Variants in TP73 observed in about 807,000 individuals in gnomAD.
TP73 encodes the protein tumor protein p73, also known as p53-like transcription factor.
A neutral mutation model predicts 62.5 loss-of-function variants in TP73; 25 were observed. The observed-to-expected ratio is 0.40, with a 90% CI of 0.29 to 0.56. The LOEUF (loss-of-function observed/expected upper bound fraction) is 0.56. Ranked by LOEUF, TP73 falls within the 20% of genes least tolerant of loss-of-function variation. The pLI is 0.46. For synonymous variants in TP73, 423 were observed against 377.5 expected (o/e 1.12, Z -1.40); for missense variants, 754 against 913.3 (o/e 0.83, Z 2.25).
chr1:3,728,240 C>A, intron 9 of TP73, 23 bp downstream of exon 9: 1 of 1,606,062 alleles, frequency 6.2e-7, no homozygotes, highest in Non-Finnish European at 8.5e-7. Context: ...TCCTGCACGG[C>A]AGCCGGGAGA....
intron 4 of TP73, among the ~76,000 whole-genome samples, chr1:3,718,128 GCCC>G (rs1474708773): frequency 6.6e-6 from 1 of 152,196 alleles, no homozygotes. Context: ...TCCAGTCCGA[GCCC>G]CCACTTCCCG....
chr1:3,726,362 G>A (rs1296852084), intron 6 of TP73, among the ~76,000 whole-genome samples: 4 of 142,186 alleles, frequency 2.8e-5, no homozygotes, highest in Admixed American at 7.0e-5. Flanking sequence ...ATGGATGGGT[G>A]GGTGGATAGA....
Position 3,727,131 on chromosome 1 carries a change from C to G in TP73, c.749C>G (p.Thr250Ser), listed in dbSNP as rs746424182. 1.2e-6 allele frequency: 2 copies of G among 1,611,844 alleles called. No homozygotes were observed. Among genetic ancestry groups the G allele is most frequent in the East Asian group, 4.5e-5 (2 of 44,880 alleles). The change falls in exon 7 of 14, where the codon ACC (threonine) becomes AGC (serine). Residue 250 changes from threonine to serine, a missense_variant. Thr to Ser is a moderately conservative substitution (Grantham distance 58, BLOSUM62 1). Around this residue, in one of 3 missense-constraint regions of TP73, gnomAD observed 61 missense variants for 133.2 expected, o/e 0.46. Transcript: ENST00000378295. ...CATGTGCAGGTGGGGACGGAATTCA[C>G]CACCATCCTGTACAACTTCATGTGT... ...YEPPQVGTEF[T>S]TILYNFMCNS...
In TP73 at chr1:3,733,230, A is replaced by C. The variant is rs9659687; in HGVS notation, c.*151A>C. On this transcript the variant is annotated 3_prime_UTR_variant, in exon 14 of 14. Transcript: ENST00000378295. ...TCCGGCCCATCCCCAGGCACCTCACAGGCCCCAGGAAAGGCCCAGCCACCG... is the reference window on the plus strand; with the variant it reads ...TCCGGCCCATCCCCAGGCACCTCACCGGCCCCAGGAAAGGCCCAGCCACCG... 55,779 of 963,476 alleles carry C rather than the reference A, an allele frequency of 0.058. 3,386 individuals are homozygous for C. The highest frequency in any genetic ancestry group is 0.25 in the African/African-American group (14,902 of 60,376). The allele number at this position is 963,476 out of a possible 1,614,324, so 59.7% of individuals were successfully genotyped here. A position where few individuals can be genotyped will look rare whatever the true frequency, so the allele number is the denominator to read the frequency against.
chr1:3,665,247 C>T (rs1050653839), intron 1 of TP73, among the ~76,000 whole-genome samples: 1 of 152,130 alleles, frequency 6.6e-6, no homozygotes, highest in African/African-American at 2.4e-5. Flanking sequence ...GGCTCCTTGA[C>T]TAATTATTTG....
intron 1 of TP73, among the ~76,000 whole-genome samples, chr1:3,673,458 G>C (rs148074394): frequency 3.3e-5 from 5 of 152,226 alleles, no homozygotes; most frequent in African/African-American, 1.2e-4. Flanking sequence ...GAGTGCTTTC[G>C]CTTTTGATAT....
chr1:3,682,946 G>A, intron 2 of TP73, 114 bp from the exon 3 acceptor site: 1 of 1,391,396 alleles, frequency 7.2e-7, no homozygotes, highest in African/African-American at 1.4e-5. Context: ...GGAAGGGCAG[G>A]AGACGTAGGC....
rs114165747 is a variant in TP73, at chr1:3,701,045, G to A, written c.187-6504G>A. Reference sequence around the variant, plus strand: ...ACTGTCTGGGCTTGGGGCTGTGGCCGACATGGCGGGCAGTGGCACACCGTG... The same window carrying A: ...ACTGTCTGGGCTTGGGGCTGTGGCCAACATGGCGGGCAGTGGCACACCGTG... On this transcript the variant is annotated intron_variant, in intron 3 of 13. Transcript: ENST00000378295. This position sits in a 1 kb window ranked among gnomAD's most constrained non-coding sequence, Gnocchi z 4.7. Among the ~76,000 whole-genome samples, 1,694 of 152,288 alleles carry A rather than the reference G, an allele frequency of 0.011. 33 individuals are homozygous for A. Among genetic ancestry groups the A allele is most frequent in the African/African-American group, 0.039 (1,613 of 41,568 alleles).
intron 3 of TP73, chr1:3,690,896 G>A (rs1202092248): frequency 2.5e-6 from 4 of 1,573,480 alleles, no homozygotes; most frequent in East Asian, 2.4e-5. Context: ...CAGACCCCCC[G>A]GCGCCTACCA....
intron 3 of TP73, among the ~76,000 whole-genome samples, chr1:3,691,989 ATGTG>A (rs201305176): frequency 0.021 from 3,238 of 152,192 alleles, 121 homozygotes; most frequent in African/African-American, 0.074. Context: ...GTGTGCGTGC[ATGTG>A]TGTGTCTAAG....
At chr1:3,659,443 A>T (rs1189172005) in intron 1 of TP73, 2 of 152,180 alleles carry the variant, frequency 1.3e-5, no homozygotes, top group Admixed American at 6.5e-5. Context: ...TCGTGATTCC[A>T]ATAAGAACGG....
rs755848902 is a variant in TP73, at chr1:3,683,069, C to G, written c.75C>G (p.Asp25Glu). Residue 25 changes from aspartate (D) to glutamate (E), a missense_variant, in exon 3 of 14, where the codon GAC becomes GAG. This residue lies in a region of TP73 where 235 missense variants were observed against 251.4 expected (regional missense o/e 0.93). Transcript: ENST00000378295. The stretch of plus-strand genomic sequence containing the variant: ...CCTCTCCCTGCCCCAGGGAACCAGA[C>G]AGCACCTACTTCGACCTTCCCCAGT... ...FEHLWSSLEPDSTYFDLPQSS... is the reference protein window; with the variant it reads ...FEHLWSSLEPESTYFDLPQSS... The G allele has an allele frequency of 1.2e-6, 2 of 1,608,036 alleles. No homozygotes were observed. Among genetic ancestry groups the G allele is most frequent in the Non-Finnish European group, 1.7e-6 (2 of 1,175,314 alleles).
chr1:3,692,210 T>C (rs1645860577), intron 3 of TP73, among the ~76,000 whole-genome samples: 1 of 152,130 alleles, frequency 6.6e-6, no homozygotes, highest in Admixed American at 6.5e-5. Context: ...TGTGTTGCGA[T>C]GGATACATGG....
At chr1:3,680,005 C>A (rs1645483240) in intron 1 of TP73, among the ~76,000 whole-genome samples, 1 of 151,866 alleles carries the variant, frequency 6.6e-6, no homozygotes, top group Non-Finnish European at 1.5e-5. Flanking sequence ...CTTTCTCTTT[C>A]TTTGTCCTTG....
At chr1:3,715,522 C>T (rs1007548547) in intron 4 of TP73, among the ~76,000 whole-genome samples, 2 of 152,184 alleles carry the variant, frequency 1.3e-5, no homozygotes, top group Non-Finnish European at 2.9e-5. Context: ...AGGTTTGGGT[C>T]ACTAAACGGA....
chr1:3,718,628 T>C (rs2124460807), intron 4 of TP73, among the ~76,000 whole-genome samples: 1 of 152,222 alleles, frequency 6.6e-6, no homozygotes, highest in South Asian at 2.1e-4. Context: ...CATGGGGCTG[T>C]CAGGGAGCGA....
At chr1:3,717,346 C>CGAA (rs1640690824) in intron 4 of TP73, among the ~76,000 whole-genome samples, 1 of 152,090 alleles carries the variant, frequency 6.6e-6, no homozygotes, top group Non-Finnish European at 1.5e-5. Context: ...AGAGGAGGGT[C>CGAA]GGAGAGGAGC....
At position 3,699,580 on chromosome 1, in the gene TP73, C is replaced by T. The variant is rs995704153; in HGVS notation, c.187-7969C>T. ...CCTCAAACATGCTGCCTTCTGGAAA[C>T]GTCTGTCACGGGCACACCATGCACC... On this transcript the variant is annotated intron_variant, in intron 3 of 13. Transcript: ENST00000378295. This position sits in a 1 kb window ranked among gnomAD's most constrained non-coding sequence, Gnocchi z 4.1. Among the ~76,000 whole-genome samples, 4 of 152,216 alleles carry T rather than the reference C, an allele frequency of 2.6e-5. No homozygotes were observed. The highest frequency in any genetic ancestry group is 9.6e-5 in the African/African-American group (4 of 41,472).
intron 3 of TP73, among the ~76,000 whole-genome samples, chr1:3,704,718 T>C (rs1446222580): frequency 6.6e-6 from 1 of 152,166 alleles, no homozygotes; most frequent in East Asian, 1.9e-4. Flanking sequence ...AGAGGCCTCT[T>C]GGGCCTCGGT....
Sources: allele counts gnomAD v4.1 joint callset (sites outside exome capture counted in the v4.1 genomes callset), GRCh38; gene constraint gnomAD v4.1.1; regional missense constraint gnomAD v4.1.1; non-coding constraint Gnocchi (gnomAD v3.1); transcripts MANE v1.5; gene names NCBI Gene and HGNC (gene_info 2026-07-23, HGNC 2026-07-21).